PDE8B: variants seen among roughly 807,000 people sequenced by gnomAD.
The protein encoded by PDE8B is phosphodiesterase 8B.
A neutral mutation model predicts 101.3 loss-of-function variants in PDE8B; 26 were observed. The observed-to-expected ratio is 0.26, with a 90% CI of 0.19 to 0.36. The LOEUF is 0.36. PDE8B is among the 10% of genes least tolerant of loss of function. The pLI, the probability that PDE8B is intolerant of heterozygous loss-of-function variation, is 1.00. For synonymous variants in PDE8B, 424 were observed against 429.3 expected (o/e 0.99, Z 0.15); for missense variants, 810 against 1,163.1 (o/e 0.70, Z 4.42).
chr5:77,221,152 CT>C (rs1470003583), intron 1 of PDE8B, among the ~76,000 whole-genome samples: 6 of 152,162 alleles, frequency 3.9e-5, no homozygotes, highest in African/African-American at 1.4e-4. Context: ...ATCAATCACA[CT>C]TTTCTAATTG....
chr5:77,351,554 G>A (rs1194788498), intron 9 of PDE8B, among the ~76,000 whole-genome samples: 4 of 152,160 alleles, frequency 2.6e-5, no homozygotes, highest in Admixed American at 1.3e-4. Flanking sequence ...CCTCCAGGCC[G>A]GTTCTGGACT....
the PDE8B span, among the ~76,000 whole-genome samples, chr5:77,200,555 CT>C: frequency 6.6e-6 from 1 of 151,096 alleles, no homozygotes; most frequent in Non-Finnish European, 1.5e-5. Context: ...AGGTGAAGGG[CT>C]TTTTTTTAAA....
chr5:77,296,389 G>A (rs1768574965), intron 1 of PDE8B, among the ~76,000 whole-genome samples: 1 of 152,060 alleles, frequency 6.6e-6, no homozygotes, highest in Non-Finnish European at 1.5e-5. Flanking sequence ...AGCCTCCTGA[G>A]TAGCTGGGAC....
chr5:77,159,979 T>C, the PDE8B span, among the ~76,000 whole-genome samples: 3 of 152,292 alleles, frequency 2.0e-5, no homozygotes, highest in East Asian at 5.8e-4. Flanking sequence ...AAGTTAAGGT[T>C]ATATTTTGCT....
At chr5:77,406,036 C>T (rs753188785) in intron 12 of PDE8B, among the ~76,000 whole-genome samples, 52 of 152,206 alleles carry the variant, frequency 3.4e-4, no homozygotes, top group East Asian at 3.3e-3. Context: ...CCTGTGATCC[C>T]AGCAGTTTGG....
intron 1 of PDE8B, among the ~76,000 whole-genome samples, chr5:77,217,289 T>C (rs1749983905): frequency 1.3e-5 from 2 of 152,042 alleles, no homozygotes; most frequent in South Asian, 4.2e-4. Flanking sequence ...CCCTGTCTTA[T>C]CAGTTTATTC....
intron 10 of PDE8B, among the ~76,000 whole-genome samples, chr5:77,379,028 T>C (rs936165138): frequency 1.3e-5 from 2 of 152,218 alleles, no homozygotes; most frequent in Non-Finnish European, 2.9e-5. Flanking sequence ...TAGCTTGCAT[T>C]AAGTGTTTTT....
intron 10 of PDE8B, among the ~76,000 whole-genome samples, chr5:77,399,059 C>T (rs552927039): frequency 2.6e-5 from 4 of 152,322 alleles, no homozygotes; most frequent in South Asian, 2.1e-4. Flanking sequence ...GACAAGATAA[C>T]GGATCCCTGT....
At chr5:77,344,005 T>G (rs1020132474) in intron 6 of PDE8B, among the ~76,000 whole-genome samples, 1 of 152,024 alleles carries the variant, frequency 6.6e-6, no homozygotes, top group Non-Finnish European at 1.5e-5. Flanking sequence ...CACTGGAAGG[T>G]CCTCAGGGGC....
Position 77,412,210 on chromosome 5 carries a change from G to A in PDE8B, c.1687G>A (p.Glu563Lys), listed in dbSNP as rs923978828. ...GGAGAGTTGGGACTTCAACATCTTT[G>A]AATTGGAAGCCATTACGCATAAAAG... ...NEESWDFNIF[E>K]LEAITHKRPL... The change falls in exon 16 of 22, where the codon GAA becomes AAA. Residue 563 changes from glutamate to lysine, a missense_variant. By Grantham distance (56) the Glu-to-Lys change is moderately conservative. Coordinates refer to ENST00000264917, the MANE Select transcript of PDE8B (RefSeq NM_003719.5). 7 of 1,614,100 alleles carry A rather than the reference G, an allele frequency of 4.3e-6. No homozygotes were observed. The highest frequency in any genetic ancestry group is 5.9e-6 in the Non-Finnish European group (7 of 1,179,972).
rs1767219252 is a variant in PDE8B at position 77,291,070 on chromosome 5, A to G, written c.340-20924A>G. ...GAGAGGTTTGGGAGAAGTTTGTTGG[A>G]ACTTGGAGGAAACAGTACCATTATT... On this transcript the variant is annotated intron_variant, in intron 1 of 21. Transcript: ENST00000264917. The G allele has an allele frequency of 1.9e-6, 3 of 1,611,176 alleles. No individual in the cohort carries two copies. The African/African-American group carries it at 4.0e-5, about 22-fold the overall frequency.
chr5:77,246,464 T>C (rs1397353319), intron 1 of PDE8B, among the ~76,000 whole-genome samples: 1 of 152,224 alleles, frequency 6.6e-6, no homozygotes, highest in East Asian at 1.9e-4. Context: ...ACTACCTATT[T>C]TTGTATGGCT....
intron 1 of PDE8B, among the ~76,000 whole-genome samples, chr5:77,296,803 C>A (rs1768677433): frequency 6.6e-6 from 1 of 152,134 alleles, no homozygotes; most frequent in African/African-American, 2.4e-5. Flanking sequence ...CTGGGAGAAT[C>A]TGCTTGTTTC....
chr5:77,354,193 G>A (rs1337471453), intron 10 of PDE8B, among the ~76,000 whole-genome samples: 1 of 152,188 alleles, frequency 6.6e-6, no homozygotes, highest in Admixed American at 6.5e-5. Flanking sequence ...GGATGAGAAG[G>A]TGAAGCCCAG....
chr5:77,266,671 A>G (rs1027571035), intron 1 of PDE8B, among the ~76,000 whole-genome samples: 2 of 152,168 alleles, frequency 1.3e-5, no homozygotes, highest in Admixed American at 1.3e-4. Context: ...ACAGGAATCT[A>G]ACCCTGTATT....
intron 10 of PDE8B, among the ~76,000 whole-genome samples, chr5:77,373,974 C>A (rs966510294): frequency 6.6e-6 from 1 of 152,128 alleles, no homozygotes; most frequent in Admixed American, 6.6e-5. Flanking sequence ...CTCAGCCTCC[C>A]GAGTAGCTGG....
chr5:77,099,305 T>A, the PDE8B span, among the ~76,000 whole-genome samples: 1 of 152,212 alleles, frequency 6.6e-6, no homozygotes, highest in Non-Finnish European at 1.5e-5. Context: ...ATGAGGGATG[T>A]GTTTGGAAAA....
intron 10 of PDE8B, among the ~76,000 whole-genome samples, chr5:77,399,471 G>GA (rs1452634522): frequency 6.6e-6 from 1 of 152,202 alleles, no homozygotes; most frequent in Admixed American, 6.5e-5. Flanking sequence ...TGGCTACAAA[G>GA]ATTTAATGGT....
At chr5:77,372,186 T>G (rs1785182839) in intron 10 of PDE8B, among the ~76,000 whole-genome samples, 1 of 150,218 alleles carries the variant, frequency 6.7e-6, no homozygotes, top group South Asian at 2.1e-4. Context: ...GGTGATAGAG[T>G]GAGATTCTGT....
Sources: allele counts gnomAD v4.1 joint callset (sites outside exome capture counted in the v4.1 genomes callset), GRCh38; gene constraint gnomAD v4.1.1; transcripts MANE v1.5; gene names NCBI Gene and HGNC (gene_info 2026-07-23, HGNC 2026-07-21).